Variants in TNIP3 observed in about 807,000 individuals in gnomAD.
The protein encoded by TNIP3 is TNFAIP3 interacting protein 3.
In TNIP3, 34 loss-of-function variants were observed where a neutral mutation model predicts 54.1. The observed-to-expected ratio is 0.63, with a 90% CI of 0.48 to 0.84. The LOEUF (loss-of-function observed/expected upper bound fraction) is 0.84. Among genes scored for constraint, TNIP3 ranks in the 40% least tolerant of loss-of-function variants. The pLI, the probability that TNIP3 is intolerant of heterozygous loss-of-function variation, is 0.00. For missense variants in TNIP3, 366 were observed against 387.6 expected, an observed-to-expected ratio of 0.94 and a Z score of 0.47; for synonymous variants, 134 against 136.8, an observed-to-expected ratio of 0.98 and a Z score of 0.14.
chr4:121,158,856 T>C, intron 2 of TNIP3, 104 bp from the exon 3 acceptor site: 1 of 851,930 alleles, frequency 1.2e-6, no homozygotes, highest in Non-Finnish European at 1.9e-6. Context: ...TTAGAAGCCA[T>C]GGATGAAGAC....
At chr4:121,185,144 C>T (rs979517141) in intron 2 of TNIP3, among the ~76,000 whole-genome samples, 2 of 152,242 alleles carry the variant, frequency 1.3e-5, no homozygotes, top group African/African-American at 4.8e-5. Context: ...TCACGATCTA[C>T]AAGTCCTCAA....
chr4:121,204,762 C>G (rs917797686), intron 2 of TNIP3, among the ~76,000 whole-genome samples: 1 of 152,150 alleles, frequency 6.6e-6, no homozygotes, highest in African/African-American at 2.4e-5. Context: ...GACATTAAAA[C>G]TTTTAATAGT....
chr4:121,202,969 C>T (rs547397188), intron 2 of TNIP3, among the ~76,000 whole-genome samples: 44 of 152,228 alleles, frequency 2.9e-4, no homozygotes, highest in Admixed American at 2.7e-3. Context: ...CACTTTTACA[C>T]TGCTGTTGGG....
intron 3 of TNIP3, among the ~76,000 whole-genome samples, chr4:121,180,929 C>T (rs1724656685): frequency 6.6e-6 from 1 of 152,214 alleles, no homozygotes; most frequent in Non-Finnish European, 1.5e-5. Flanking sequence ...GTCTTTACCT[C>T]ATACTTCACA....
intron 2 of TNIP3, among the ~76,000 whole-genome samples, chr4:121,207,569 G>A (rs948636354): frequency 1.3e-5 from 2 of 152,156 alleles, no homozygotes; most frequent in Admixed American, 6.6e-5. Flanking sequence ...TAAGATATTA[G>A]TTAATAAAAA....
intron 3 of TNIP3, among the ~76,000 whole-genome samples, chr4:121,177,189 A>G (rs1041869980): frequency 6.6e-6 from 1 of 152,202 alleles, no homozygotes; most frequent in African/African-American, 2.4e-5. Flanking sequence ...TATTATTTTC[A>G]TAATTTTCTC....
chr4:121,224,031 TATAATAATGA>T (rs1301492643), intron 1 of TNIP3, among the ~76,000 whole-genome samples: 1 of 152,190 alleles, frequency 6.6e-6, no homozygotes, highest in African/African-American at 2.4e-5. Context: ...ACTGTTCAAT[TATAATAATGA>T]ATAATAATGA....
chr4:121,134,221 T>A (rs1158195900), intron 10 of TNIP3, among the ~76,000 whole-genome samples: 1 of 152,220 alleles, frequency 6.6e-6, no homozygotes, highest in Non-Finnish European at 1.5e-5. Context: ...TAATAATCCA[T>A]CTCTGGCTCA....
intron 10 of TNIP3, among the ~76,000 whole-genome samples, chr4:121,137,146 T>C (rs1234775085): frequency 6.6e-6 from 1 of 152,186 alleles, no homozygotes; most frequent in Non-Finnish European, 1.5e-5. Flanking sequence ...TAAATGACCT[T>C]ATGGTATTAC....
At chr4:121,168,866 G>T (rs377698537), upstream of TNIP3, among the ~76,000 whole-genome samples, 1 of 152,174 alleles carries the variant, frequency 6.6e-6, no homozygotes, top group East Asian at 1.9e-4. Context: ...TTTTAAGAGC[G>T]TGTCCAGCAG....
chr4:121,149,353 G>C (rs367619040), intron 6 of TNIP3, among the ~76,000 whole-genome samples: 13 of 152,194 alleles, frequency 8.5e-5, no homozygotes, highest in African/African-American at 2.9e-4. Flanking sequence ...TAAGTACAAA[G>C]TATTTTCTTT....
At chr4:121,177,905 T>G (rs1359856550) in intron 3 of TNIP3, among the ~76,000 whole-genome samples, 1 of 152,110 alleles carries the variant, frequency 6.6e-6, no homozygotes, top group Non-Finnish European at 1.5e-5. Context: ...CAGAGGACAA[T>G]TGAGGAGGAT....
intron 10 of TNIP3, among the ~76,000 whole-genome samples, chr4:121,135,843 G>A (rs1282775336): frequency 1.3e-5 from 2 of 152,174 alleles, no homozygotes; most frequent in African/African-American, 4.8e-5. Context: ...ATTAAATAAT[G>A]ACACATCCAT....
intron 2 of TNIP3, among the ~76,000 whole-genome samples, chr4:121,196,721 CA>C (rs1385068445): frequency 2.0e-4 from 30 of 151,628 alleles, no homozygotes; most frequent in African/African-American, 7.3e-4. Flanking sequence ...ATAGAAAAAG[CA>C]AGTACTTTAA....
In TNIP3 at chr4:121,161,139, TTTTC is replaced by T. The variant is rs1297647762; in HGVS notation, c.140_143del (p.Arg47LysfsTer17). On this transcript the variant is annotated frameshift_variant, in exon 2 of 11. Transcript: ENST00000057513. LOFTEE classifies it high-confidence loss of function. ...TTAGCGAATATTTCTAAGTTACCTC[TTTTC>T]TTTGTTTTTCCAAACACCTTATCTT... The T allele has an allele frequency of 6.3e-7, 1 of 1,577,578 alleles. No homozygotes were observed. Among genetic ancestry groups the T allele is most frequent in the Non-Finnish European group, 8.6e-7 (1 of 1,157,592 alleles).
At chr4:121,207,179 A>C (rs955254051) in intron 2 of TNIP3, among the ~76,000 whole-genome samples, 3 of 152,168 alleles carry the variant, frequency 2.0e-5, no homozygotes, top group African/African-American at 7.2e-5. Context: ...GAAATTGAAG[A>C]AGAGGAAGGA....
At chr4:121,161,700 T>C (rs192243389) in intron 1 of TNIP3, among the ~76,000 whole-genome samples, 56 of 152,310 alleles carry the variant, frequency 3.7e-4, no homozygotes, top group African/African-American at 1.3e-3. Context: ...GACAAAATCA[T>C]CGAGAAAAAG....
intron 1 of TNIP3, among the ~76,000 whole-genome samples, chr4:121,222,807 T>TG (rs1390623781): frequency 2.2e-5 from 2 of 91,826 alleles, no homozygotes; most frequent in Non-Finnish European, 5.2e-5. Flanking sequence ...TTTGTGCGTT[T>TG]TTTTTTTTTT....
intron 6 of TNIP3, among the ~76,000 whole-genome samples, chr4:121,147,809 T>C (rs963027681): frequency 6.6e-6 from 1 of 152,212 alleles, no homozygotes; most frequent in Non-Finnish European, 1.5e-5. Flanking sequence ...AGCTAGATTT[T>C]TATCTATTAA....
Sources: gnomAD v4.1 joint callset for allele counts (sites outside exome capture counted in the v4.1 genomes callset) on GRCh38, gnomAD v4.1.1 for gene constraint, MANE v1.5 for transcripts, NCBI Gene and HGNC (gene_info 2026-07-23, HGNC 2026-07-21) for gene names.